APOL3: variants seen among roughly 807,000 people sequenced by gnomAD.
The protein encoded by APOL3 is apolipoprotein L3.
A neutral mutation model predicts 11.6 loss-of-function variants in APOL3; 14 were observed. The ratio of observed to expected loss-of-function variants is 1.21; its 90% CI spans 0.80 to 1.89. APOL3 has a LOEUF of 1.89. Ranked by LOEUF, APOL3 falls within the 40% of genes most tolerant of loss-of-function variation. The probability of loss-of-function intolerance (pLI) is 0.00; values close to 1 mark genes in which losing one functional copy is unlikely to be tolerated. For missense variants in APOL3, 483 were observed against 492.1 expected (o/e 0.98, Z 0.17); for synonymous variants, 192 against 190.6 (o/e 1.01, Z -0.06).
chr22:36,143,019 A>T (rs2060058437), intron 2 of APOL3, among the ~76,000 whole-genome samples: 1 of 152,108 alleles, frequency 6.6e-6, no homozygotes, highest in Non-Finnish European at 1.5e-5. Flanking sequence ...GAAACCCCCC[A>T]TTCTGGTGTC....
chr22:36,141,516 AT>A lies in APOL3; in HGVS notation c.892del (p.Ile298SerfsTer12). ...TCGGGCCCTGGCTCTGGCTTGCCTG[AT>A]GGCACGGATTTCACTCCCAATGGTT... On this transcript the variant is annotated frameshift_variant, in exon 3 of 3. Coordinates refer to ENST00000349314, the Ensembl canonical transcript of APOL3. LOFTEE classifies it low-confidence loss of function (END_TRUNC). The A allele has an allele frequency of 6.2e-7, 1 of 1,614,152 alleles. No individual in the cohort carries two copies. Among genetic ancestry groups the A allele is most frequent in the Non-Finnish European group, 8.5e-7 (1 of 1,180,032 alleles).
intron 2 of APOL3, among the ~76,000 whole-genome samples, chr22:36,144,371 C>T (rs2060109339): frequency 6.6e-6 from 1 of 152,146 alleles, no homozygotes; most frequent in South Asian, 2.1e-4. Flanking sequence ...CATCATGCTA[C>T]TTGGTTCCCC....
intron 1 of APOL3, chr22:36,155,583 T>C (rs139173101): frequency 0.014 from 2,197 of 154,140 alleles, 45 homozygotes; most frequent in African/African-American, 0.051. Context: ...GAAGGAGGGC[T>C]CCCCTTCCCC....
chr22:36,154,321 T>A (rs1320852632), intron 1 of APOL3: 1 of 234,172 alleles, frequency 4.3e-6, no homozygotes, highest in East Asian at 1.3e-4. Flanking sequence ...ATTGTGATTA[T>A]TATGATCATG....
intron 1 of APOL3, chr22:36,149,919 G>T (rs2060368790): frequency 4.4e-6 from 2 of 455,992 alleles, no homozygotes; most frequent in Admixed American, 2.3e-5. Flanking sequence ...TGATGCTTCT[G>T]CTTCAACTTC....
intron 1 of APOL3, 27 bp downstream of exon 1, chr22:36,160,642 G>A: frequency 1.2e-6 from 2 of 1,610,176 alleles, no homozygotes; most frequent in Non-Finnish European, 1.7e-6. Flanking sequence ...TGGGGAGATG[G>A]GGAAGGTCAG....
At chr22:36,156,695 C>T in intron 1 of APOL3, 1 of 279,882 alleles carries the variant, frequency 3.6e-6, no homozygotes, top group Non-Finnish European at 7.4e-6. Context: ...CCTGCAGCGT[C>T]CCCCAGCCCT....
exon 1 of APOL3, chr22:36,160,825 GGCAGCA>G: frequency 6.2e-7 from 1 of 1,614,004 alleles, no homozygotes; most frequent in South Asian, 1.1e-5. Context: ...GTCACAACTT[GGCAGCA>G]GCTCCTGATC....
intron 2 of APOL3, 64 bp downstream of exon 3, chr22:36,145,409 A>G (rs1268180390): frequency 6.4e-7 from 1 of 1,559,654 alleles, no homozygotes; most frequent in Middle Eastern, 1.8e-4. Flanking sequence ...AGAGAAAACT[A>G]GCCCAGGGGA....
upstream of APOL3, among the ~76,000 whole-genome samples, chr22:36,163,808 A>T (rs1427108492): frequency 2.0e-5 from 3 of 152,228 alleles, no homozygotes; most frequent in African/African-American, 7.2e-5. Context: ...ATGTAAAACC[A>T]CAGAGGGCTG....
intron 1 of APOL3, chr22:36,157,103 C>T (rs889388627): frequency 4.5e-6 from 2 of 449,138 alleles, no homozygotes; most frequent in African/African-American, 2.0e-5. Context: ...TCTCCCGTGT[C>T]CTCCCCAGTC....
At chr22:36,148,287 T>C (rs1354785073) in intron 1 of APOL3, among the ~76,000 whole-genome samples, 1 of 152,168 alleles carries the variant, frequency 6.6e-6, no homozygotes, top group Non-Finnish European at 1.5e-5. Context: ...TGATGGGCCG[T>C]GCAGGGCAGG....
intron 1 of APOL3, chr22:36,157,046 C>G: frequency 2.2e-6 from 1 of 456,094 alleles, no homozygotes; most frequent in Non-Finnish European, 4.4e-6. Flanking sequence ...ACTCTGATTT[C>G]ATGTACTTTT....
chr22:36,141,741 C>T (rs1318281244), exon 3 of APOL3: 2 of 1,614,092 alleles, frequency 1.2e-6, no homozygotes, highest in South Asian at 2.2e-5. Context: ...CAGCCCTACC[C>T]CAGCTGCAGT....
At chr22:36,160,251 C>G (rs905780042) in intron 1 of APOL3, among the ~76,000 whole-genome samples, 1 of 152,180 alleles carries the variant, frequency 6.6e-6, no homozygotes, top group African/African-American at 2.4e-5. Flanking sequence ...CTGGGGCCAG[C>G]CTCAGGGTGG....
At chr22:36,154,429 G>A (rs1014484334) in intron 1 of APOL3, 3 of 355,870 alleles carry the variant, frequency 8.4e-6, no homozygotes, top group Admixed American at 3.9e-5. Context: ...GCTAAAACAG[G>A]GTACTTGAAA....
intron 1 of APOL3, among the ~76,000 whole-genome samples, chr22:36,157,920 C>T (rs929402609): frequency 7.9e-5 from 12 of 152,230 alleles, no homozygotes; most frequent in African/African-American, 2.6e-4. Flanking sequence ...TGTGGAGGCA[C>T]GCGCCTGTAG....
chr22:36,152,534 G>C (rs1301078719), intron 1 of APOL3, among the ~76,000 whole-genome samples: 1 of 152,202 alleles, frequency 6.6e-6, no homozygotes, highest in Non-Finnish European at 1.5e-5. Context: ...ATTTTGTAAA[G>C]TGAAGAGTCA....
chr22:36,145,030 A>AG (rs1321845979), intron 2 of APOL3, among the ~76,000 whole-genome samples: 1 of 130,400 alleles, frequency 7.7e-6, no homozygotes, highest in African/African-American at 4.6e-5. Context: ...AAAAAAGAAA[A>AG]AAAAAGAAAA....
Sources: allele counts gnomAD v4.1 joint callset (sites outside exome capture counted in the v4.1 genomes callset), GRCh38; gene constraint gnomAD v4.1.1; transcripts MANE v1.5; gene names NCBI Gene and HGNC (gene_info 2026-07-23, HGNC 2026-07-21).